The following NTM variants were observed in gnomAD, a reference collection of about 807,000 sequenced individuals.
The protein encoded by NTM is IgLON family member 2.
In NTM, 13 loss-of-function variants were observed where a neutral mutation model predicts 42.1. The ratio of observed to expected loss-of-function variants is 0.31; its 90% confidence interval spans 0.20 to 0.49. The LOEUF (loss-of-function observed/expected upper bound fraction) is 0.49, where lower values mean the gene tolerates loss of function less well. NTM is among the 20% of genes least tolerant of loss of function. NTM has a pLI of 0.99. For missense variants in NTM, 373 were observed against 452.8 expected (o/e 0.82, Z 1.60); for synonymous variants, 187 against 179.2 (o/e 1.04, Z -0.35).
chr11:131,570,168 G>A (rs775400764), intron 1 of NTM, among the ~76,000 whole-genome samples: 3 of 152,226 alleles, frequency 2.0e-5, no homozygotes, highest in East Asian at 1.9e-4. Context: ...AGAATCACTC[G>A]AAGCTTATTG....
chr11:132,054,375 C>A (rs150644627), intron 2 of NTM, among the ~76,000 whole-genome samples: 2 of 152,194 alleles, frequency 1.3e-5, no homozygotes, highest in African/African-American at 4.8e-5. Flanking sequence ...CTTCTTTAAA[C>A]GAAGCTGTAG....
At chr11:132,272,417 C>A (rs2093525453) in intron 4 of NTM, among the ~76,000 whole-genome samples, 1 of 152,062 alleles carries the variant, frequency 6.6e-6, no homozygotes, top group Non-Finnish European at 1.5e-5. Flanking sequence ...AGCAAAGAAG[C>A]CAGCTGTTAT....
At position 131,429,975 on chromosome 11, in the gene NTM, G is replaced by T. The variant is rs1244260852; in HGVS notation, c.82+59087G>T. Reference sequence around the variant, plus strand: ...AGCTTTAGGACAGGAACTGTATCTTGTTCAGTATACTCCTGTTACCTAGTG... The same window carrying T: ...AGCTTTAGGACAGGAACTGTATCTTTTTCAGTATACTCCTGTTACCTAGTG... On this transcript the variant is annotated intron_variant, in intron 1 of 8. Transcript: ENST00000683400. 2.0e-5 allele frequency among the ~76,000 whole-genome samples: 3 copies of T among 152,284 alleles called. No homozygotes were observed. The South Asian group carries it at 6.2e-4, about 32-fold the overall frequency.
At chr11:132,059,063 A>C (rs1484820463) in intron 2 of NTM, among the ~76,000 whole-genome samples, 1 of 152,236 alleles carries the variant, frequency 6.6e-6, no homozygotes. Flanking sequence ...AAACCAATAT[A>C]GACAGAAAAG....
chr11:131,607,317 G>A lies in NTM; in HGVS notation c.82+236429G>A, dbSNP rs556432289. ...GAGAGAAGAGGAATGGGGCCCCCATGCCTCTCTGCTGTTTTGCGGTTATAG... is the reference window on the plus strand; with the variant it reads ...GAGAGAAGAGGAATGGGGCCCCCATACCTCTCTGCTGTTTTGCGGTTATAG... On this transcript the variant is annotated intron_variant, in intron 1 of 8. Transcript: ENST00000683400. Among the ~76,000 whole-genome samples, 60 of 152,228 alleles carry A rather than the reference G, an allele frequency of 3.9e-4. 1 individual carries two copies. In the Middle Eastern group the frequency reaches 0.014, roughly 35 times the overall value.
At chr11:131,696,187 G>T (rs1317814496) in intron 1 of NTM, among the ~76,000 whole-genome samples, 1 of 152,150 alleles carries the variant, frequency 6.6e-6, no homozygotes, top group Non-Finnish European at 1.5e-5. Flanking sequence ...TGGTAGTATG[G>T]GGTGTGGGGT....
intron 1 of NTM, among the ~76,000 whole-genome samples, chr11:131,503,554 A>G (rs1433994060): frequency 3.4e-5 from 5 of 147,854 alleles, no homozygotes; most frequent in African/African-American, 1.3e-4. Context: ...ACAAGGTCTT[A>G]CTCTGTTGCT....
At chr11:132,186,547 T>C (rs1259819207) in intron 3 of NTM, among the ~76,000 whole-genome samples, 1 of 152,244 alleles carries the variant, frequency 6.6e-6, no homozygotes, top group African/African-American at 2.4e-5. Context: ...ACGTGGCCAC[T>C]GCTTTAGACA....
intron 7 of NTM, among the ~76,000 whole-genome samples, chr11:132,323,741 C>T (rs1333767068): frequency 1.3e-5 from 2 of 151,986 alleles, no homozygotes; most frequent in Non-Finnish European, 2.9e-5. Flanking sequence ...AATTTTAGAC[C>T]AATATCCTTG....
At chr11:131,767,029 C>T (rs1345632231) in intron 1 of NTM, 2 of 319,618 alleles carry the variant, frequency 6.3e-6, no homozygotes, top group South Asian at 1.2e-4. Context: ...ACTAATATAA[C>T]CAAGTAAATG....
chr11:131,477,807 C>T lies in NTM; in HGVS notation c.82+106919C>T, dbSNP rs574441772. 3.3e-5 allele frequency among the ~76,000 whole-genome samples: 5 copies of T among 151,674 alleles called. No individual in the cohort carries two copies. The East Asian group carries it at 9.7e-4, about 29-fold the overall frequency. ...TCTACTCCCTGCTCTCCATCCTGTT[C>T]CTTGTCCATCAGAAGTCCAACTTTA... On this transcript the variant is annotated intron_variant, in intron 1 of 8. Transcript: ENST00000683400.
chr11:131,529,698 G>A (rs900293299), intron 1 of NTM, among the ~76,000 whole-genome samples: 3 of 152,176 alleles, frequency 2.0e-5, no homozygotes, highest in African/African-American at 7.2e-5. Flanking sequence ...AAGTGATTAA[G>A]AGAAAAATCA....
chr11:132,098,812 T>C (rs1411250771), intron 2 of NTM, among the ~76,000 whole-genome samples: 1 of 152,246 alleles, frequency 6.6e-6, no homozygotes, highest in Non-Finnish European at 1.5e-5. Flanking sequence ...GACTTCAGCC[T>C]CACATGCTTC....
At chr11:131,939,126 T>A (rs2059536130) in intron 2 of NTM, among the ~76,000 whole-genome samples, 1 of 151,998 alleles carries the variant, frequency 6.6e-6, no homozygotes, top group African/African-American at 2.4e-5. Context: ...AAGGAGAAAT[T>A]GTAGCTAGAG....
At chr11:132,320,295 G>A (rs2095531678) in intron 7 of NTM, among the ~76,000 whole-genome samples, 1 of 152,232 alleles carries the variant, frequency 6.6e-6, no homozygotes. Context: ...GTGCCAGACA[G>A]TGGGTGCAGG....
At chr11:131,414,465 T>G (rs1399941564) in intron 1 of NTM, among the ~76,000 whole-genome samples, 3 of 152,186 alleles carry the variant, frequency 2.0e-5, no homozygotes, top group Admixed American at 2.0e-4. Context: ...AGTGCTGCTG[T>G]GTGCAGATCA....
At chr11:131,932,941 A>G (rs981821279) in intron 2 of NTM, among the ~76,000 whole-genome samples, 1 of 152,236 alleles carries the variant, frequency 6.6e-6, no homozygotes, top group African/African-American at 2.4e-5. Flanking sequence ...ATAAATAGAT[A>G]AAGTAACAAG....
chr11:132,086,738 C>T (rs2059766136), intron 2 of NTM, among the ~76,000 whole-genome samples: 1 of 152,204 alleles, frequency 6.6e-6, no homozygotes, highest in South Asian at 2.1e-4. Context: ...CTGGTTTGCA[C>T]AGGGAGAGAG....
chr11:131,789,587 A>G (rs1478454947), intron 1 of NTM, among the ~76,000 whole-genome samples: 19 of 61,978 alleles, frequency 3.1e-4, no homozygotes, highest in African/African-American at 1.1e-3. Flanking sequence ...GAAGAAGAAG[A>G]AGAAGAAGAA....
Sources: allele counts gnomAD v4.1 joint callset (sites outside exome capture counted in the v4.1 genomes callset), GRCh38; gene constraint gnomAD v4.1.1; transcripts MANE v1.5; gene names NCBI Gene and HGNC (gene_info 2026-07-23, HGNC 2026-07-21).